Variants in CIITA observed in about 807,000 individuals in gnomAD.
CIITA encodes MHC class II transactivator.
CIITA carries 72 observed loss-of-function variants against 115.1 expected under a neutral mutation model. The ratio of observed to expected loss-of-function variants is 0.63; its 90% CI spans 0.52 to 0.76. CIITA has a LOEUF of 0.76. Among genes scored for constraint, CIITA ranks in the 30% least tolerant of loss-of-function variants. CIITA has a pLI of 0.00. For synonymous variants in CIITA, 763 were observed against 635.6 expected (o/e 1.20, Z -3.02); for missense variants, 1,617 against 1,463.8 (o/e 1.10, Z -1.71).
rs540467446 is a variant in CIITA at position 10,914,900 on chromosome 16, G to A, written c.2889-670G>A. The stretch of plus-strand genomic sequence containing the variant: ...ACCTGGTTTACCACTGGCAGTGGTC[G>A]TCAGCTGGCATTTCAGGACCCCTTC... On this transcript the variant is annotated intron_variant, in intron 13 of 19. Coordinates refer to ENST00000324288, the MANE Select transcript of CIITA (RefSeq NM_000246.4). 4.3e-4 allele frequency among the ~76,000 whole-genome samples: 66 copies of A among 152,286 alleles called. No homozygotes were observed. In the South Asian group the frequency reaches 0.012, roughly 28 times the overall value.
chr16:10,895,239 TC>T (rs747393385), intron 1 of CIITA, 42 bp from the exon 2 acceptor site: 1 of 1,611,288 alleles, frequency 6.2e-7, no homozygotes, highest in Non-Finnish European at 8.5e-7. Context: ...TCTGCCTCTT[TC>T]CAACACCCTG....
At chr16:10,872,027 C>T (rs547210668) in intron 1 of CIITA, among the ~76,000 whole-genome samples, 15 of 152,330 alleles carry the variant, frequency 9.8e-5, no homozygotes, top group African/African-American at 3.6e-4. Flanking sequence ...ATCCACCTAC[C>T]TGCCTGCCCT....
In CIITA at chr16:10,923,046, G is replaced by A; in HGVS notation, c.3318-182G>A. 1 of 629,356 alleles carries A rather than the reference G, an allele frequency of 1.6e-6. No individual in the cohort carries two copies. The highest frequency in any genetic ancestry group is 2.8e-6 in the Non-Finnish European group (1 of 351,136). The allele number at this position is 629,356 out of a possible 1,614,324, so 39.0% of individuals were successfully genotyped here. On this transcript the variant is annotated intron_variant, in intron 18 of 19. Coordinates refer to ENST00000324288, the MANE Select transcript of CIITA (RefSeq NM_000246.4). The surrounding 1 kb of genome is among the most constrained non-coding windows in gnomAD (Gnocchi z 5.2). ...GCAAGTCAGCTGCAGAACCATAAAG[G>A]AATCTCGGGCCTCCTAGGCTTCTCC...
rs1319297099 is a variant in CIITA, at chr16:10,898,958, G to A, written c.392G>A (p.Ser131Asn). The A allele has an allele frequency of 1.9e-6, 3 of 1,614,064 alleles. No homozygotes were observed. The highest frequency in any genetic ancestry group is 2.7e-5 in the African/African-American group (2 of 74,992). Reference protein sequence around the residue: ...HIGPDEVIGESMEMPAEVGQK... With the variant: ...HIGPDEVIGENMEMPAEVGQK... The stretch of plus-strand genomic sequence containing the variant: ...GGACCAGATGAAGTGATCGGTGAGA[G>A]TATGGAGATGCCAGCAGAAGTTGGG... Residue 131 changes from serine to asparagine, a missense_variant, in exon 5 of 20, where the codon AGT (serine) becomes AAT (asparagine). Transcript: ENST00000324288.
chr16:10,904,033 AG>A, intron 9 of CIITA, 138 bp downstream of exon 9: 7 of 1,106,966 alleles, frequency 6.3e-6, no homozygotes, highest in Non-Finnish European at 9.4e-6. Flanking sequence ...CGGGACAGGG[AG>A]GGTCTCCAGG....
At chr16:10,874,530 C>A (rs972214867), upstream of CIITA, among the ~76,000 whole-genome samples, 26 of 152,188 alleles carry the variant, frequency 1.7e-4, no homozygotes, top group African/African-American at 5.6e-4. Context: ...GACTCTCTAC[C>A]CTGGTGCCTT....
chr16:10,891,899 C>T (rs1373385064), intron 1 of CIITA, among the ~76,000 whole-genome samples: 1 of 152,180 alleles, frequency 6.6e-6, no homozygotes, highest in Non-Finnish European at 1.5e-5. Flanking sequence ...CTGCAGCCCC[C>T]GCTCAACCGT....
chr16:10,922,523 A>C (rs1567450271), intron 18 of CIITA, 33 bp downstream of exon 18: 1 of 1,608,122 alleles, frequency 6.2e-7, no homozygotes, highest in East Asian at 2.2e-5. Context: ...GGTGGAGAAC[A>C]ACTCACTCCC....
chr16:10,874,262 G>A (rs2035682045), upstream of CIITA, among the ~76,000 whole-genome samples: 1 of 152,198 alleles, frequency 6.6e-6, no homozygotes, highest in South Asian at 2.1e-4. Context: ...GAGATTACAG[G>A]CGTGAGCCAC....
At chr16:10,882,559 T>C (rs1199990256) in intron 1 of CIITA, among the ~76,000 whole-genome samples, 1 of 151,940 alleles carries the variant, frequency 6.6e-6, no homozygotes, top group African/African-American at 2.4e-5. Context: ...CAAGACCTTT[T>C]TTTAGGAAAA....
In CIITA at chr16:10,928,591, C is replaced by T. The variant is rs866836702; in HGVS notation, c.*4736C>T. The T allele has an allele frequency of 6.6e-6, 1 of 152,388 alleles. No individual in the cohort carries two copies. Among genetic ancestry groups the T allele is most frequent in the African/African-American group, 2.4e-5 (1 of 41,444 alleles). 9.4% of individuals were successfully genotyped at this position (152,388 alleles called of 1,614,324 possible). A position where few individuals can be genotyped will look rare whatever the true frequency, so the allele number is the denominator to read the frequency against. The stretch of plus-strand genomic sequence containing the variant: ...CAGGCATGAGCCACCATGCCAAGCC[C>T]TTCCCCCCTATCTTTAATGAAGGTC... On this transcript the variant is annotated 3_prime_UTR_variant, in exon 20 of 20. Transcript: ENST00000324288.
chr16:10,917,636 C>T (rs2040028543), intron 15 of CIITA, among the ~76,000 whole-genome samples: 1 of 152,068 alleles, frequency 6.6e-6, no homozygotes, highest in Non-Finnish European at 1.5e-5. Flanking sequence ...TGCACCACTA[C>T]ACCCAACTAA....
Position 10,923,333 on chromosome 16 carries a change from G to T in CIITA, c.*22+8G>T. ...AGCTGTGCTCTGGACAGGGTAACCA[G>T]GGTGGGCTTGGGAGGGGAGAGCCGC... On this transcript the variant is annotated splice_region_variant and intron_variant, in intron 19 of 19. Coordinates refer to ENST00000324288, the MANE Select transcript of CIITA (RefSeq NM_000246.4). This position sits in a 1 kb window ranked among gnomAD's most constrained non-coding sequence, Gnocchi z 5.2. 6.4e-7 allele frequency: 1 copy of T among 1,559,922 alleles called. No homozygotes were observed. The highest frequency in any genetic ancestry group is 8.8e-7 in the Non-Finnish European group (1 of 1,132,050).
chr16:10,892,963 G>A (rs932367835), intron 1 of CIITA, among the ~76,000 whole-genome samples: 4 of 152,114 alleles, frequency 2.6e-5, no homozygotes, highest in African/African-American at 9.7e-5. Flanking sequence ...TAAAGATCTT[G>A]AAATGACATC....
intron 1 of CIITA, chr16:10,878,953 G>T: frequency 4.4e-6 from 1 of 225,376 alleles, no homozygotes; most frequent in Non-Finnish European, 8.8e-6. Flanking sequence ...AGGATGACCA[G>T]CGGACGAGCT....
At chr16:10,910,360 T>G (rs1376152666) in intron 13 of CIITA, 101 bp downstream of exon 13, 1 of 1,024,098 alleles carries the variant, frequency 9.8e-7, no homozygotes, top group Admixed American at 2.0e-5. Context: ...TCCAGAATCA[T>G]TCTTACCCTC....
chr16:10,867,980 G>A (rs2035211244), intron 1 of CIITA, among the ~76,000 whole-genome samples: 2 of 151,888 alleles, frequency 1.3e-5, no homozygotes, highest in Admixed American at 1.3e-4. Flanking sequence ...CAGGCTGCTT[G>A]CGAACCCCTG....
At chr16:10,873,740 C>A (rs566555439), upstream of CIITA, among the ~76,000 whole-genome samples, 5 of 152,152 alleles carry the variant, frequency 3.3e-5, no homozygotes. Context: ...GGGACCCCAG[C>A]ATGGCAACCT....
chr16:10,895,867 C>T, intron 3 of CIITA, 103 bp downstream of exon 3: 1 of 1,109,068 alleles, frequency 9.0e-7, no homozygotes, highest in Non-Finnish European at 1.4e-6. Context: ...CAGTCCCCTC[C>T]CACAGAAATC....
Sources: allele counts gnomAD v4.1 joint callset (sites outside exome capture counted in the v4.1 genomes callset), GRCh38; gene constraint gnomAD v4.1.1; non-coding constraint Gnocchi (gnomAD v3.1); transcripts MANE v1.5; gene names NCBI Gene and HGNC (gene_info 2026-07-23, HGNC 2026-07-21).